Variants in AGBL4 observed in about 807,000 individuals in gnomAD.
AGBL4 encodes cytosolic carboxypeptidase 6.
Under a neutral mutation model 66.4 loss-of-function variants are expected in AGBL4, and 58 were observed. The ratio of observed to expected loss-of-function variants is 0.87; its 90% CI spans 0.71 to 1.09. AGBL4 has a LOEUF of 1.09. Among genes scored for constraint, AGBL4 ranks in the 50% least tolerant of loss-of-function variants. The pLI is 0.00. For synonymous variants in AGBL4, 234 were observed against 222.9 expected (o/e 1.05, Z -0.44); for missense variants, 579 against 631.0 (o/e 0.92, Z 0.88).
intron 1 of AGBL4, among the ~76,000 whole-genome samples, chr1:49,948,220 ATAAAT>A (rs1655615320): frequency 9.6e-6 from 1 of 104,662 alleles, no homozygotes; most frequent in African/African-American, 4.1e-5. Flanking sequence ...ATAAATATAT[ATAAAT>A]ATATATAAAT....
At chr1:48,707,688 G>T (rs1001213186) in intron 6 of AGBL4, among the ~76,000 whole-genome samples, 1 of 152,142 alleles carries the variant, frequency 6.6e-6, no homozygotes, top group East Asian at 1.9e-4. Flanking sequence ...CTGGGAATTG[G>T]GTGTTTCTCT....
At chr1:49,641,003 T>C (rs530607626) in intron 3 of AGBL4, among the ~76,000 whole-genome samples, 14 of 152,076 alleles carry the variant, frequency 9.2e-5, no homozygotes, top group Non-Finnish European at 2.1e-4. Flanking sequence ...ATGAAATCAT[T>C]TGTACATCAA....
At chr1:48,637,436 T>G (rs1463998037) in intron 8 of AGBL4, among the ~76,000 whole-genome samples, 1 of 152,160 alleles carries the variant, frequency 6.6e-6, no homozygotes, top group Non-Finnish European at 1.5e-5. Flanking sequence ...TGTGGTGAGT[T>G]TGCTCCTCCA....
At chr1:49,728,266 A>G (rs552596270) in intron 2 of AGBL4, among the ~76,000 whole-genome samples, 82 of 152,336 alleles carry the variant, frequency 5.4e-4, no homozygotes, top group African/African-American at 1.8e-3. Flanking sequence ...TTACATTTTT[A>G]AAGGTACAGA....
chr1:49,429,710 G>A (rs189574775), intron 3 of AGBL4, among the ~76,000 whole-genome samples: 1 of 151,918 alleles, frequency 6.6e-6, no homozygotes, highest in African/African-American at 2.4e-5. Context: ...AGCTGCCCTT[G>A]GGTTTCAGGA....
chr1:49,015,422 A>ATT (rs549726675), intron 5 of AGBL4, among the ~76,000 whole-genome samples: 5,296 of 128,624 alleles, frequency 0.041, 146 homozygotes, highest in Middle Eastern at 0.08. Context: ...ATTTCAAGTA[A>ATT]TTTTTTTTTT....
intron 3 of AGBL4, among the ~76,000 whole-genome samples, chr1:49,610,465 A>T (rs1038335969): frequency 6.6e-6 from 1 of 152,210 alleles, no homozygotes; most frequent in Non-Finnish European, 1.5e-5. Context: ...ATGGAAAACA[A>T]AGCCACACCA....
chr1:48,866,425 T>G (rs947004368), intron 6 of AGBL4, among the ~76,000 whole-genome samples: 1 of 152,200 alleles, frequency 6.6e-6, no homozygotes, highest in African/African-American at 2.4e-5. Context: ...ATGCCTAGCA[T>G]AGCAGATGGC....
At chr1:49,286,226 C>T (rs1302314617) in intron 3 of AGBL4, among the ~76,000 whole-genome samples, 1 of 152,108 alleles carries the variant, frequency 6.6e-6, no homozygotes, top group East Asian at 1.9e-4. Context: ...ATAATAAGAG[C>T]TATCTATGAC....
intron 3 of AGBL4, among the ~76,000 whole-genome samples, chr1:49,398,331 CT>C (rs1491531166): frequency 4.9e-5 from 5 of 101,210 alleles, no homozygotes; most frequent in Non-Finnish European, 8.1e-5. Flanking sequence ...CCCTCTCTCT[CT>C]TTCTCTCTCT....
At chr1:49,016,463 C>A (rs1348125024) in intron 5 of AGBL4, among the ~76,000 whole-genome samples, 1 of 152,160 alleles carries the variant, frequency 6.6e-6, no homozygotes, top group Non-Finnish European at 1.5e-5. Flanking sequence ...AGACTTCATG[C>A]ATTAAATATT....
intron 1 of AGBL4, among the ~76,000 whole-genome samples, chr1:49,990,475 T>A (rs1336243133): frequency 6.6e-6 from 1 of 152,212 alleles, no homozygotes; most frequent in Non-Finnish European, 1.5e-5. Flanking sequence ...CCTTTTGCCA[T>A]GATTATAAGT....
At chr1:49,565,529 T>C (rs1352376725) in intron 3 of AGBL4, among the ~76,000 whole-genome samples, 1 of 152,200 alleles carries the variant, frequency 6.6e-6, no homozygotes, top group Non-Finnish European at 1.5e-5. Context: ...CATTTGCTTG[T>C]CTGTAAAGGA....
chr1:49,398,402 T>TA (rs1444508069), intron 3 of AGBL4, among the ~76,000 whole-genome samples: 1 of 151,368 alleles, frequency 6.6e-6, no homozygotes, highest in Non-Finnish European at 1.5e-5. Context: ...CTCTAGGACT[T>TA]ACAGCAGCAT....
chr1:49,491,270 C>T (rs1458942757), intron 3 of AGBL4, among the ~76,000 whole-genome samples: 1 of 151,766 alleles, frequency 6.6e-6, no homozygotes, highest in Non-Finnish European at 1.5e-5. Context: ...TTAGGCCTTT[C>T]CTGCAGATAA....
intron 2 of AGBL4, among the ~76,000 whole-genome samples, chr1:49,762,856 C>T (rs754088087): frequency 6.6e-6 from 1 of 152,154 alleles, no homozygotes; most frequent in Non-Finnish European, 1.5e-5. Flanking sequence ...TTAACTGCTT[C>T]CCTCTCTGAG....
At chr1:49,216,683 T>C (rs1649120039) in intron 4 of AGBL4, among the ~76,000 whole-genome samples, 1 of 152,180 alleles carries the variant, frequency 6.6e-6, no homozygotes, top group African/African-American at 2.4e-5. Context: ...AAGTGTTTCC[T>C]CAAGTTTCTC....
chr1:49,256,630 T>G (rs1055352061), intron 3 of AGBL4, among the ~76,000 whole-genome samples: 10 of 152,216 alleles, frequency 6.6e-5, no homozygotes, highest in African/African-American at 1.7e-4. Context: ...AGTGTCTGTG[T>G]CTATGTGTGT....
intron 11 of AGBL4, among the ~76,000 whole-genome samples, chr1:48,581,648 A>T (rs185820421): frequency 2.6e-5 from 4 of 152,376 alleles, no homozygotes; most frequent in Admixed American, 2.6e-4. Context: ...CAAAATTCGT[A>T]GGAATTTATC....
Sources: allele counts gnomAD v4.1 joint callset (sites outside exome capture counted in the v4.1 genomes callset), GRCh38; gene constraint gnomAD v4.1.1; transcripts MANE v1.5; gene names NCBI Gene and HGNC (gene_info 2026-07-23, HGNC 2026-07-21).